The following DIAPH2 variants were observed in gnomAD, a reference collection of about 807,000 sequenced individuals.
DIAPH2 encodes diaphanous related formin 2, also known as protein diaphanous homolog 2.
In DIAPH2, 35 loss-of-function variants were observed where a neutral mutation model predicts 92.7. That is an observed-to-expected ratio of 0.38 (90% CI 0.29 to 0.50). The LOEUF is 0.50. Ranked by LOEUF, DIAPH2 falls within the 20% of genes least tolerant of loss-of-function variation. The pLI is 0.94. For synonymous variants in DIAPH2, 301 were observed against 280.4 expected, an observed-to-expected ratio of 1.07 and a Z score of -0.73; for missense variants, 701 against 819.5, an observed-to-expected ratio of 0.86 and a Z score of 1.77.
intron 26 of DIAPH2, among the ~76,000 whole-genome samples, chrX:97,550,856 A>C (rs1454128753): frequency 1.8e-5 from 2 of 111,632 alleles, no homozygotes; most frequent in Admixed American, 9.5e-5. Context: ...CTGAGGAGCC[A>C]GGTGAATGAA....
At position 96,881,746 on chromosome X, in the gene DIAPH2, A is replaced by G. The variant is rs776128136; in HGVS notation, c.587+28A>G. 5.0e-6 allele frequency: 6 copies of G among 1,188,768 alleles called. No homozygotes were observed. In the South Asian group the frequency reaches 1.1e-4, roughly 22 times the overall value. ...AAGTCGTTCTTATCATTTCGGTATGATTCATACAATTTGTAGTGCATATAA... is the reference window on the plus strand; with the variant it reads ...AAGTCGTTCTTATCATTTCGGTATGGTTCATACAATTTGTAGTGCATATAA... On this transcript the variant is annotated intron_variant, in intron 5 of 26. Transcript: ENST00000324765.
intron 22 of DIAPH2, among the ~76,000 whole-genome samples, chrX:97,192,658 CATG>C (rs1335383759): frequency 1.8e-5 from 2 of 111,711 alleles, no homozygotes; most frequent in African/African-American, 6.5e-5. Flanking sequence ...CATATTTTTT[CATG>C]ATAAAATATC....
At chrX:97,354,455 C>T (rs1345531875) in intron 24 of DIAPH2, among the ~76,000 whole-genome samples, 1 of 111,494 alleles carries the variant, frequency 9.0e-6, no homozygotes, top group Non-Finnish European at 1.9e-5. Flanking sequence ...TCACTGCAAC[C>T]TCCACCCCCT....
Position 97,060,695 on chromosome X carries a change from G to A in DIAPH2, c.2051-12246G>A, listed in dbSNP as rs755547185. On this transcript the variant is annotated intron_variant, in intron 17 of 26. Transcript: ENST00000324765. ...ACAAAATTAATAAGAGGTGCACAGT[G>A]GGCAATTACCCATTATTTTACTATA... Among the ~76,000 whole-genome samples, 3 of 111,605 alleles carry A rather than the reference G, an allele frequency of 2.7e-5. No homozygotes were observed. In the East Asian group the frequency reaches 8.5e-4, roughly 32 times the overall value.
chrX:96,807,421 C>A (rs2064636390), intron 4 of DIAPH2, among the ~76,000 whole-genome samples: 1 of 111,851 alleles, frequency 8.9e-6, no homozygotes, highest in Non-Finnish European at 1.9e-5. Flanking sequence ...GAGGTGAAGA[C>A]TTTTGTCAGA....
Position 97,058,487 on chromosome X carries a change from A to T in DIAPH2, c.2051-14454A>T, listed in dbSNP as rs760563603. ...TTTTTTTTTTTTTTTTTAAGTATTT[A>T]GACTATGCTTGACCTTCCTGCTACT... On this transcript the variant is annotated intron_variant, in intron 17 of 26. Coordinates refer to ENST00000324765, the MANE Select transcript of DIAPH2 (RefSeq NM_006729.5). Among the ~76,000 whole-genome samples the T allele has an allele frequency of 9.3e-5, 9 of 97,009 alleles. No individual in the cohort carries two copies. The East Asian group carries it at 2.5e-3, about 27-fold the overall frequency. 84.2% of individuals were successfully genotyped at this position (97,009 alleles called of 115,157 possible).
At chrX:96,770,667 T>C (rs2064333002) in intron 4 of DIAPH2, among the ~76,000 whole-genome samples, 1 of 111,724 alleles carries the variant, frequency 9.0e-6, no homozygotes, top group Non-Finnish European at 1.9e-5. Context: ...ATGGTGGTGA[T>C]AATTTTGTTA....
At chrX:97,069,709 A>C (rs901260889) in intron 17 of DIAPH2, among the ~76,000 whole-genome samples, 1 of 112,135 alleles carries the variant, frequency 8.9e-6, no homozygotes, top group African/African-American at 3.2e-5. Flanking sequence ...TAAAGTAGTT[A>C]TACAAATTTT....
At chrX:96,904,565 T>C (rs991575390) in intron 5 of DIAPH2, among the ~76,000 whole-genome samples, 5 of 111,686 alleles carry the variant, frequency 4.5e-5, no homozygotes, top group African/African-American at 1.6e-4. Context: ...GTGAAACTGT[T>C]TATGATGTTT....
intron 26 of DIAPH2, among the ~76,000 whole-genome samples, chrX:97,512,122 G>C (rs1434999725): frequency 7.1e-5 from 8 of 113,025 alleles, no homozygotes; most frequent in Non-Finnish European, 1.1e-4. Flanking sequence ...GAATTCGGCT[G>C]TGAATCCATC....
chrX:97,055,937 C>T (rs2066554050), intron 17 of DIAPH2, among the ~76,000 whole-genome samples: 1 of 111,808 alleles, frequency 8.9e-6, no homozygotes, highest in Non-Finnish European at 1.9e-5. Context: ...AGCAAGGTCA[C>T]TCCTATCTGT....
intron 24 of DIAPH2, among the ~76,000 whole-genome samples, chrX:97,351,567 G>A (rs755047114): frequency 1.8e-5 from 2 of 111,819 alleles, no homozygotes; most frequent in Non-Finnish European, 3.8e-5. Context: ...TGTAATCCCA[G>A]CACTTTGGGA....
At chrX:97,418,846 C>G (rs961569240) in intron 25 of DIAPH2, among the ~76,000 whole-genome samples, 1 of 111,863 alleles carries the variant, frequency 8.9e-6, no homozygotes, top group African/African-American at 3.2e-5. Flanking sequence ...ACTTTATGGG[C>G]TCTAAAATGT....
At chrX:97,535,822 T>C (rs2071091611) in intron 26 of DIAPH2, among the ~76,000 whole-genome samples, 1 of 112,514 alleles carries the variant, frequency 8.9e-6, no homozygotes, top group Non-Finnish European at 1.9e-5. Context: ...TTATATTTTT[T>C]AAATAACAAA....
At chrX:97,207,891 C>T (rs994778835) in intron 22 of DIAPH2, among the ~76,000 whole-genome samples, 1 of 111,487 alleles carries the variant, frequency 9.0e-6, no homozygotes, top group South Asian at 3.8e-4. Flanking sequence ...CAGCAGCTCG[C>T]GCCTATAATC....
At chrX:96,831,012 C>T (rs413169) in intron 4 of DIAPH2, among the ~76,000 whole-genome samples, 59,824 of 110,191 alleles carry the variant, frequency 0.54, 13,130 homozygotes, top group African/African-American at 0.83. Flanking sequence ...CAGTGAAAGA[C>T]TGGTAAAATC....
At chrX:97,320,108 AAT>A (rs1556025448) in intron 23 of DIAPH2, among the ~76,000 whole-genome samples, 1 of 104,992 alleles carries the variant, frequency 9.5e-6, no homozygotes, top group African/African-American at 3.5e-5. Flanking sequence ...TCAAAAAAAA[AAT>A]ATATATATAT....
intron 22 of DIAPH2, among the ~76,000 whole-genome samples, chrX:97,183,085 T>C (rs1405019903): frequency 1.8e-5 from 2 of 111,782 alleles, no homozygotes; most frequent in Non-Finnish European, 3.8e-5. Flanking sequence ...AGAAAACTTA[T>C]GGAAGAGAAA....
chrX:97,216,471 A>AT (rs759156988), intron 22 of DIAPH2, among the ~76,000 whole-genome samples: 3,695 of 96,907 alleles, frequency 0.038, 61 homozygotes, highest in Middle Eastern at 0.062. Flanking sequence ...TGCCTGGCTA[A>AT]TTTTTTTTTT....
Sources: allele counts gnomAD v4.1 joint callset (sites outside exome capture counted in the v4.1 genomes callset), GRCh38; gene constraint gnomAD v4.1.1; transcripts MANE v1.5; gene names NCBI Gene and HGNC (gene_info 2026-07-23, HGNC 2026-07-21).